Variants in GNPTG observed in about 807,000 individuals in gnomAD.
GNPTG encodes the protein N-acetylglucosamine-1-phosphate transferase subunit gamma.
GNPTG carries 46 observed loss-of-function variants against 43.8 expected under a neutral mutation model. The ratio of observed to expected loss-of-function variants is 1.05; its 90% CI spans 0.83 to 1.34. The LOEUF is 1.34. GNPTG is among the 40% of genes most tolerant of loss of function. The pLI is 0.00. For missense variants in GNPTG, 549 were observed against 411.3 expected, an observed-to-expected ratio of 1.33 and a Z score of -2.90; for synonymous variants, 250 against 172.8, an observed-to-expected ratio of 1.45 and a Z score of -3.50.
rs2034692415 is a variant in GNPTG at position 1,352,006 on chromosome 16, T to C, written c.41T>C (p.Leu14Pro). The C allele has an allele frequency of 1.4e-6, 2 of 1,457,834 alleles. No individual in the cohort carries two copies. Among genetic ancestry groups the C allele is most frequent in the Non-Finnish European group, 1.8e-6 (2 of 1,110,112 alleles). 90.3% of individuals were successfully genotyped at this position (1,457,834 alleles called of 1,614,324 possible). Residue 14 changes from leucine to proline, a missense_variant, in exon 1 of 11, where the codon CTC (leucine) becomes CCC (proline). Leu to Pro is a moderately conservative substitution (Grantham distance 98). Coordinates refer to ENST00000204679, the MANE Select transcript of GNPTG (RefSeq NM_032520.5). ...GCGCGGCTCCTGTTGCTCCTCGGGC[T>C]CTCGGCCGGCGGTGAGTGGCCCGGC... is the stretch of plus-strand genomic sequence containing the variant. The part of the protein sequence containing the change: ...GLARLLLLLG[L>P]SAGGPAPAGA...
In GNPTG at chr16:1,362,774, G is replaced by GT. The variant is rs763757057; in HGVS notation, c.741+33dup. 4 of 1,614,022 alleles carry GT rather than the reference G, an allele frequency of 2.5e-6. No individual in the cohort carries two copies. In the East Asian group the frequency reaches 6.7e-5, roughly 27 times the overall value. On this transcript the variant is annotated intron_variant, in intron 9 of 10. Coordinates refer to ENST00000204679, the MANE Select transcript of GNPTG (RefSeq NM_032520.5). ...TATTGGGGGGAGGTGGTGGCACGCA[G>GT]TAGCCCTCCAGCACCTGGGCTTTCC...
Position 1,363,235 on chromosome 16 carries a change from C to G in GNPTG, c.*144C>G, listed in dbSNP as rs1279786739. ...TTCAAGGTTTTAATTAATTCCCATA[C>G]TGATAAAAATAACTCCATGAATTCT... On this transcript the variant is annotated 3_prime_UTR_variant, in exon 11 of 11. Transcript: ENST00000204679. 4 of 724,542 alleles carry G rather than the reference C, an allele frequency of 5.5e-6. No homozygotes were observed. The highest frequency in any genetic ancestry group is 9.7e-6 in the Non-Finnish European group (4 of 413,788). 44.9% of individuals were successfully genotyped at this position (724,542 alleles called of 1,614,324 possible).
intron 3 of GNPTG, 38 bp downstream of exon 3, chr16:1,352,344 C>G (rs1017158084): frequency 6.5e-6 from 10 of 1,542,960 alleles, no homozygotes; most frequent in African/African-American, 5.5e-5. Context: ...CGGGGGTGGC[C>G]GCGGGGAGCA....
At position 1,363,006 on chromosome 16, in the gene GNPTG, A is replaced by T; in HGVS notation, c.833A>T (p.Asn278Ile). 2 of 1,614,078 alleles carry T rather than the reference A, an allele frequency of 1.2e-6. No homozygotes were observed. The highest frequency in any genetic ancestry group is 1.7e-6 in the Non-Finnish European group (2 of 1,180,014). ...CCTGGTGTTTTGGCAGAAACTTCCAACTTGGAGCACTTGGGCCACGAGACG... is the reference window on the plus strand; with the variant it reads ...CCTGGTGTTTTGGCAGAAACTTCCATCTTGGAGCACTTGGGCCACGAGACG... ...IPYTRPTETS[N>I]LEHLGHETPR... Residue 278 changes from asparagine to isoleucine, a missense_variant, in exon 11 of 11, where the codon AAC (asparagine) becomes ATC (isoleucine). Asn to Ile is a moderately radical substitution (Grantham distance 149). Transcript: ENST00000204679.
rs373344804 is a variant in GNPTG at position 1,354,929 on chromosome 16, C to A, written c.178+2623C>A. On this transcript the variant is annotated intron_variant, in intron 3 of 10. Coordinates refer to ENST00000204679, the MANE Select transcript of GNPTG (RefSeq NM_032520.5). ...AGGGCCGGGCGTGGATTGTCTCCCA[C>A]GTCTGTGGGGTGGGGCCGGGCGTGG... Among the ~76,000 whole-genome samples, 784 of 151,978 alleles carry A rather than the reference C, an allele frequency of 5.2e-3. 2 individuals are homozygous for A. Among genetic ancestry groups the A allele is most frequent in the Middle Eastern group, 0.014 (4 of 290 alleles).
Position 1,363,174 on chromosome 16 carries a change from C to A in GNPTG, c.*83C>A. 1 of 1,191,818 alleles carries A rather than the reference C, an allele frequency of 8.4e-7. No homozygotes were observed. The highest frequency in any genetic ancestry group is 1.2e-6 in the Non-Finnish European group (1 of 816,912). The allele number at this position is 1,191,818 out of a possible 1,614,324, so 73.8% of individuals were successfully genotyped here. A position where few individuals can be genotyped will look rare whatever the true frequency, so the allele number is the denominator to read the frequency against. ...GGTAGGACCCGCAGGGACCAGCTGACCAGGCTTGTGCTCAGAGAAGCAGAC... is the reference window on the plus strand; with the variant it reads ...GGTAGGACCCGCAGGGACCAGCTGAACAGGCTTGTGCTCAGAGAAGCAGAC... On this transcript the variant is annotated 3_prime_UTR_variant, in exon 11 of 11. Coordinates refer to ENST00000204679, the MANE Select transcript of GNPTG (RefSeq NM_032520.5).
chr16:1,360,920 C>G (rs1163085793), intron 3 of GNPTG: 1 of 152,492 alleles, frequency 6.6e-6, no homozygotes, highest in Admixed American at 6.5e-5. Flanking sequence ...AAGCTTTTAT[C>G]TGGGAATGTC....
intron 3 of GNPTG, among the ~76,000 whole-genome samples, chr16:1,359,887 A>G (rs942070796): frequency 6.6e-6 from 1 of 151,862 alleles, no homozygotes; most frequent in African/African-American, 2.4e-5. Context: ...AGGCAGGTGG[A>G]TCACCTGAGG....
intron 3 of GNPTG, among the ~76,000 whole-genome samples, chr16:1,354,782 CTG>C (rs1317888070): frequency 6.6e-6 from 1 of 152,140 alleles, no homozygotes; most frequent in Non-Finnish European, 1.5e-5. Flanking sequence ...TCCCAGTTTC[CTG>C]ATCTTTTTGT....
At chr16:1,357,379 C>T (rs183641606) in intron 3 of GNPTG, among the ~76,000 whole-genome samples, 6 of 152,212 alleles carry the variant, frequency 3.9e-5, no homozygotes, top group Admixed American at 1.3e-4. Context: ...CTCTGCCCTC[C>T]GGGGGCGGGG....
chr16:1,362,346 C>T (rs1259025367), intron 7 of GNPTG, 26 bp downstream of exon 7: 2 of 1,610,930 alleles, frequency 1.2e-6, no homozygotes, highest in South Asian at 1.1e-5. Flanking sequence ...GCAGTTGAGC[C>T]CAGTGGGGTC....
At chr16:1,354,787 C>T (rs1387416848) in intron 3 of GNPTG, among the ~76,000 whole-genome samples, 2 of 152,152 alleles carry the variant, frequency 1.3e-5, no homozygotes, top group Admixed American at 6.5e-5. Context: ...GTTTCCTGAT[C>T]TTTTTGTTTT....
In GNPTG at chr16:1,362,751, T is replaced by A; in HGVS notation, c.741+9T>A. 1 of 1,614,030 alleles carries A rather than the reference T, an allele frequency of 6.2e-7. No homozygotes were observed. Among genetic ancestry groups the A allele is most frequent in the Non-Finnish European group, 8.5e-7 (1 of 1,180,002 alleles). ...TGGAAAACTGCAGGAAGGTACCGTA[T>A]TGGGGGGAGGTGGTGGCACGCAGTA... On this transcript the variant is annotated intron_variant, in intron 9 of 10. Transcript: ENST00000204679.
Position 1,361,918 on chromosome 16 carries a change from C to A in GNPTG, c.280C>A (p.Gln94Lys). 6.2e-7 allele frequency: 1 copy of A among 1,613,722 alleles called. No homozygotes were observed. The highest frequency in any genetic ancestry group is 8.5e-7 in the Non-Finnish European group (1 of 1,180,042). Residue 94 changes from glutamine (Q) to lysine (K), a missense_variant, in exon 5 of 11, where the codon CAG (glutamine) becomes AAG (lysine). Physicochemically the swap from Gln to Lys is moderately conservative, Grantham distance 53 (BLOSUM62 1). Coordinates refer to ENST00000204679, the MANE Select transcript of GNPTG (RefSeq NM_032520.5). ...GTTCCACAACGTGACCCAGCACGAG[C>A]AGACCTTCCGCTGGAACGCCTACAG... Reference protein sequence around the residue: ...CPFHNVTQHEQTFRWNAYSGI... With the variant: ...CPFHNVTQHEKTFRWNAYSGI...
rs1209061989 is a variant in GNPTG at position 1,363,641 on chromosome 16, A to C, written c.*550A>C. 1 of 191,632 alleles carries C rather than the reference A, an allele frequency of 5.2e-6. No individual in the cohort carries two copies. The allele number at this position is 191,632 out of a possible 1,614,324, so 11.9% of individuals were successfully genotyped here. On this transcript the variant is annotated 3_prime_UTR_variant, in exon 11 of 11. Transcript: ENST00000204679. ...TGGGCGCGCCTCCACCTCAGCCTCC[A>C]CGGGGCACCTTCCAGCCACTGCTGT...
intron 3 of GNPTG, among the ~76,000 whole-genome samples, chr16:1,355,645 G>A (rs532076856): frequency 2.0e-5 from 3 of 152,188 alleles, no homozygotes; most frequent in African/African-American, 4.8e-5. Flanking sequence ...TCCTGCCAGC[G>A]CCCAGCAGAG....
At chr16:1,352,967 ATTTT>A (rs3078768) in intron 3 of GNPTG, among the ~76,000 whole-genome samples, 4 of 132,666 alleles carry the variant, frequency 3.0e-5, no homozygotes, top group African/African-American at 1.1e-4. Context: ...AAATCCAAGA[ATTTT>A]TTTTTTTTTT....
At chr16:1,357,251 A>C (rs1193494131) in intron 3 of GNPTG, among the ~76,000 whole-genome samples, 2 of 152,166 alleles carry the variant, frequency 1.3e-5, no homozygotes, top group African/African-American at 4.8e-5. Context: ...TGAGCAGGGC[A>C]GCCTGGCCAT....
chr16:1,357,506 T>A (rs1380702938), intron 3 of GNPTG, among the ~76,000 whole-genome samples: 1 of 151,964 alleles, frequency 6.6e-6, no homozygotes, highest in African/African-American at 2.4e-5. Context: ...TTATTATTAT[T>A]ATTAGAGCCG....
Sources: gnomAD v4.1 joint callset for allele counts (sites outside exome capture counted in the v4.1 genomes callset) on GRCh38, gnomAD v4.1.1 for gene constraint, MANE v1.5 for transcripts, NCBI Gene and HGNC (gene_info 2026-07-23, HGNC 2026-07-21) for gene names.